The following DHRSX variants were observed in gnomAD, a reference collection of about 807,000 sequenced individuals.
DHRSX encodes dehydrogenase/reductase X-linked, also known as polyprenol dehydrogenase.
A neutral mutation model predicts 34.0 loss-of-function variants in DHRSX; 31 were observed. That is an observed-to-expected ratio of 0.91 (90% CI 0.69 to 1.23). DHRSX has a LOEUF of 1.23. Among genes scored for constraint, DHRSX ranks in the 50% most tolerant of loss-of-function variants. The pLI, the probability that DHRSX is intolerant of heterozygous loss-of-function variation, is 0.00. For synonymous variants in DHRSX, 201 were observed against 183.8 expected, an observed-to-expected ratio of 1.09 and a Z score of -0.76; for missense variants, 414 against 428.1, an observed-to-expected ratio of 0.97 and a Z score of 0.29.
At chrX:2,387,914 A>AAC (rs2043291017) in intron 3 of DHRSX, among the ~76,000 whole-genome samples, 1 of 150,952 alleles carries the variant, frequency 6.6e-6, no homozygotes. Flanking sequence ...CAAAAAAAAA[A>AAC]AAAAAAAAAA....
At chrX:2,492,905 T>C (rs1262232799) in intron 1 of DHRSX, among the ~76,000 whole-genome samples, 2 of 152,254 alleles carry the variant, frequency 1.3e-5, no homozygotes, top group Admixed American at 6.5e-5. Flanking sequence ...AAGGTTAATT[T>C]TGCCCGAAAT....
At chrX:2,259,281 A>T (rs772860700) in intron 5 of DHRSX, among the ~76,000 whole-genome samples, 27 of 149,476 alleles carry the variant, frequency 1.8e-4, no homozygotes, top group Non-Finnish European at 2.7e-4. Flanking sequence ...TCAAAAAAAA[A>T]ATATATAGAT....
At chrX:2,239,381 G>A (rs1370522282) in intron 6 of DHRSX, among the ~76,000 whole-genome samples, 1 of 148,330 alleles carries the variant, frequency 6.7e-6, no homozygotes, top group Non-Finnish European at 1.5e-5. Flanking sequence ...ACCAACCTGG[G>A]CGAACAGCAA....
chrX:2,351,864 T>G (rs1368315928), intron 3 of DHRSX, among the ~76,000 whole-genome samples: 2 of 152,148 alleles, frequency 1.3e-5, no homozygotes, highest in African/African-American at 2.4e-5. Context: ...GAATTACAGA[T>G]GCCCAACACT....
intron 1 of DHRSX, among the ~76,000 whole-genome samples, chrX:2,496,186 GTTTT>G (rs2045280198): frequency 6.6e-6 from 1 of 151,658 alleles, no homozygotes; most frequent in Non-Finnish European, 1.5e-5. Context: ...TTTTATTTTT[GTTTT>G]TGTTTTTTTG....
At chrX:2,408,938 T>G (rs2043593186) in intron 2 of DHRSX, 125 bp from the exon 3 acceptor site, 2 of 819,870 alleles carry the variant, frequency 2.4e-6, no homozygotes, top group South Asian at 3.4e-5. Context: ...TTTGATGGAC[T>G]TTCCCTTTAT....
intron 1 of DHRSX, chrX:2,489,635 T>C: frequency 1.2e-6 from 2 of 1,612,558 alleles, no homozygotes; most frequent in Non-Finnish European, 1.7e-6. Flanking sequence ...CTTGAGGCGC[T>C]GCAGCATGGC....
chrX:2,477,121 G>A (rs2044692087), intron 1 of DHRSX, among the ~76,000 whole-genome samples: 1 of 152,110 alleles, frequency 6.6e-6, no homozygotes, highest in African/African-American at 2.4e-5. Context: ...GGGACTTCAC[G>A]ATGCCAACAT....
chrX:2,360,829 C>T (rs148058279), intron 3 of DHRSX, among the ~76,000 whole-genome samples: 1,833 of 152,008 alleles, frequency 0.012, 16 homozygotes, highest in Non-Finnish European at 0.018. Context: ...GCAAGAACTT[C>T]GAATTCTGCC....
intron 1 of DHRSX, among the ~76,000 whole-genome samples, chrX:2,437,062 A>G (rs1286298083): frequency 6.6e-6 from 1 of 151,944 alleles, no homozygotes; most frequent in Admixed American, 6.6e-5. Context: ...CAGTGGTGCA[A>G]TCTCGGCTCA....
Position 2,307,951 on chromosome X carries a change from G to T in DHRSX, c.287-16348C>A, listed in dbSNP as rs137911827. Among the ~76,000 whole-genome samples the T allele has an allele frequency of 3.4e-3, 516 of 152,136 alleles. 3 individuals carry two copies. Among genetic ancestry groups the T allele is most frequent in the African/African-American group, 0.012 (491 of 41,528 alleles). Reference sequence around the variant, plus strand: ...GGAACCTAACCCATGTAGGAGCTGCGTCCCTTTCCCAGGGCACCATGAGAG... The same window carrying T: ...GGAACCTAACCCATGTAGGAGCTGCTTCCCTTTCCCAGGGCACCATGAGAG... On this transcript the variant is annotated intron_variant, in intron 3 of 6. Transcript: ENST00000334651.
Position 2,452,652 on chromosome X carries a change from G to A in DHRSX, c.110-27348C>T, listed in dbSNP as rs752289304. On this transcript the variant is annotated intron_variant, in intron 1 of 6. Transcript: ENST00000334651. ...CATGCGGCCAACGGACTGCCACTGT[G>A]TACGCGCGGAAGACATTCCCTAATA... 3.2e-3 allele frequency among the ~76,000 whole-genome samples: 491 copies of A among 152,116 alleles called. 3 individuals carry two copies. The highest frequency in any genetic ancestry group is 5.0e-3 in the Non-Finnish European group (342 of 68,004).
intron 3 of DHRSX, among the ~76,000 whole-genome samples, chrX:2,364,398 C>T (rs1276986954): frequency 1.3e-5 from 2 of 152,200 alleles, no homozygotes; most frequent in East Asian, 3.9e-4. Flanking sequence ...AATCATCCAG[C>T]TCCAGATGGA....
At chrX:2,414,640 T>G (rs1183876081) in intron 2 of DHRSX, among the ~76,000 whole-genome samples, 1 of 151,986 alleles carries the variant, frequency 6.6e-6, no homozygotes, top group Non-Finnish European at 1.5e-5. Context: ...GACCTCATCA[T>G]AACCTAACCC....
chrX:2,244,163 T>C (rs2016223682), intron 5 of DHRSX, among the ~76,000 whole-genome samples: 3 of 152,130 alleles, frequency 2.0e-5, no homozygotes, highest in African/African-American at 4.8e-5. Flanking sequence ...TTTCCTCACA[T>C]CTACTGCAAG....
At chrX:2,350,975 G>T (rs1471532549) in intron 3 of DHRSX, among the ~76,000 whole-genome samples, 1 of 152,150 alleles carries the variant, frequency 6.6e-6, no homozygotes, top group East Asian at 1.9e-4. Context: ...CAAACTAACA[G>T]AGGAACAGAA....
chrX:2,296,544 AG>A (rs2041934562), intron 3 of DHRSX, among the ~76,000 whole-genome samples: 3 of 133,884 alleles, frequency 2.2e-5, no homozygotes, highest in African/African-American at 9.6e-5. Flanking sequence ...CCAGGCAGAT[AG>A]ACCCCAGGCA....
intron 6 of DHRSX, among the ~76,000 whole-genome samples, chrX:2,225,925 AGAG>A (rs771062520): frequency 2.6e-5 from 4 of 152,132 alleles, no homozygotes; most frequent in Non-Finnish European, 2.9e-5. Context: ...GCTCATAAGA[AGAG>A]GAGATGAGGA....
At position 2,308,434 on chromosome X, in the gene DHRSX, G is replaced by A. The variant is rs1191368041; in HGVS notation, c.287-16831C>T. 5.9e-5 allele frequency among the ~76,000 whole-genome samples: 9 copies of A among 152,142 alleles called. No individual in the cohort carries two copies. In the South Asian group the frequency reaches 1.7e-3, roughly 28 times the overall value. Reference sequence around the variant, plus strand: ...ACAATTGTTCAACAATTGTTAAAACGTTCACATTTATCAGCCAAACAAGCA... The same window carrying A: ...ACAATTGTTCAACAATTGTTAAAACATTCACATTTATCAGCCAAACAAGCA... On this transcript the variant is annotated intron_variant, in intron 3 of 6. Transcript: ENST00000334651.
Sources: allele counts gnomAD v4.1 joint callset (sites outside exome capture counted in the v4.1 genomes callset), GRCh38; gene constraint gnomAD v4.1.1; transcripts MANE v1.5; gene names NCBI Gene and HGNC (gene_info 2026-07-23, HGNC 2026-07-21).